The following RBFOX3 variants were observed in gnomAD, a reference collection of about 807,000 sequenced individuals.
The protein encoded by RBFOX3 is RNA binding protein fox-1 homolog 3.
RBFOX3 carries 17 observed loss-of-function variants against 48.7 expected under a neutral mutation model. That is an observed-to-expected ratio of 0.35 (90% CI 0.24 to 0.52). The LOEUF (loss-of-function observed/expected upper bound fraction) is 0.52, where lower values mean the gene tolerates loss of function less well. Ranked by LOEUF, RBFOX3 falls within the 20% of genes least tolerant of loss-of-function variation. The probability of loss-of-function intolerance (pLI) is 0.94; values close to 1 mark genes in which losing one functional copy is unlikely to be tolerated. For synonymous variants in RBFOX3, 212 were observed against 209.5 expected, an observed-to-expected ratio of 1.01 and a Z score of -0.10; for missense variants, 382 against 497.5, an observed-to-expected ratio of 0.77 and a Z score of 2.21.
intron 4 of RBFOX3, among the ~76,000 whole-genome samples, chr17:79,138,729 G>GCACATGTTCATGCCCCCCTCACCCACA (rs2041043467): frequency 2.9e-5 from 1 of 34,436 alleles, no homozygotes; most frequent in Admixed American, 4.6e-4. Context: ...ACCCACACAC[G>GCACATGTTCATGCCCCCCTCACCCACA]CATGCACACA....
chr17:79,219,746 C>T (rs191581391), intron 4 of RBFOX3, among the ~76,000 whole-genome samples: 10 of 152,202 alleles, frequency 6.6e-5, no homozygotes, highest in Admixed American at 6.5e-4. Flanking sequence ...TTCACCACTC[C>T]TTCCCAGGGT....
intron 4 of RBFOX3, among the ~76,000 whole-genome samples, chr17:79,161,875 G>C (rs2047055288): frequency 6.6e-6 from 1 of 152,208 alleles, no homozygotes; most frequent in Non-Finnish European, 1.5e-5. Flanking sequence ...TTACAGGTAT[G>C]AGCCACCGTG....
chr17:79,146,199 T>C (rs916712207), intron 4 of RBFOX3, among the ~76,000 whole-genome samples: 1 of 152,108 alleles, frequency 6.6e-6, no homozygotes, highest in South Asian at 2.1e-4. Flanking sequence ...CACCAAGCCA[T>C]GGAGGGGTTG....
intron 2 of RBFOX3, among the ~76,000 whole-genome samples, chr17:79,446,769 G>A (rs542285685): frequency 8.8e-6 from 1 of 113,312 alleles, no homozygotes; most frequent in East Asian, 2.7e-4. Context: ...GGGCAGCCCT[G>A]CTCTGCAGGG....
rs1215966229 is a variant in RBFOX3 at position 79,363,902 on chromosome 17, T to G, written c.-174-56078A>C. Among the ~76,000 whole-genome samples the G allele has an allele frequency of 6.6e-6, 1 of 151,858 alleles. No homozygotes were observed. On this transcript the variant is annotated intron_variant, in intron 2 of 14. Transcript: ENST00000693108. The surrounding 1 kb of genome is among the most constrained non-coding windows in gnomAD (Gnocchi z 4.7). Reference sequence around the variant, plus strand: ...GCAGCCCCTAACTCTCCCCACCTCGTCCCCCTCACCCACTCCACTCCAGCC... The same window carrying G: ...GCAGCCCCTAACTCTCCCCACCTCGGCCCCCTCACCCACTCCACTCCAGCC...
chr17:79,452,991 T>C (rs1270499519), intron 2 of RBFOX3, among the ~76,000 whole-genome samples: 1 of 152,166 alleles, frequency 6.6e-6, no homozygotes, highest in Non-Finnish European at 1.5e-5. Flanking sequence ...TTGGAGCACA[T>C]GGCTTCATCT....
intron 2 of RBFOX3, among the ~76,000 whole-genome samples, chr17:79,394,447 T>G (rs1001779531): frequency 3.3e-5 from 5 of 152,150 alleles, no homozygotes; most frequent in Non-Finnish European, 4.4e-5. Flanking sequence ...GAAAACAGTC[T>G]GGCTTCTATG....
At chr17:79,345,175 T>C (rs2082697726) in intron 2 of RBFOX3, among the ~76,000 whole-genome samples, 2 of 152,242 alleles carry the variant, frequency 1.3e-5, no homozygotes, top group South Asian at 4.1e-4. Context: ...TGAGAGCTTC[T>C]CTTCTCCACC....
chr17:79,387,777 C>A (rs1469807791), intron 2 of RBFOX3, among the ~76,000 whole-genome samples: 1 of 152,232 alleles, frequency 6.6e-6, no homozygotes, highest in Non-Finnish European at 1.5e-5. Flanking sequence ...GGGGCCTGGG[C>A]ACTTGGAGTT....
chr17:79,377,449 G>A (rs553055664), intron 2 of RBFOX3, among the ~76,000 whole-genome samples: 20 of 152,212 alleles, frequency 1.3e-4, no homozygotes, highest in African/African-American at 2.9e-4. Flanking sequence ...ACACATGCAC[G>A]TGGGCATGCG....
intron 2 of RBFOX3, among the ~76,000 whole-genome samples, chr17:79,456,290 C>T (rs7217700): frequency 0.33 from 49,823 of 152,024 alleles, 9,220 homozygotes; most frequent in Non-Finnish European, 0.42. Flanking sequence ...TTTGTTCCGC[C>T]TCCCACTCTG....
At chr17:79,422,874 G>A (rs529287560) in intron 2 of RBFOX3, among the ~76,000 whole-genome samples, 1 of 152,168 alleles carries the variant, frequency 6.6e-6, no homozygotes, top group Non-Finnish European at 1.5e-5. Context: ...CTTACAGGAA[G>A]AGACAGCAGG....
At chr17:79,658,510 A>T in the RBFOX3 span, among the ~76,000 whole-genome samples, 1 of 148,444 alleles carries the variant, frequency 6.7e-6, no homozygotes, top group African/African-American at 2.5e-5. Flanking sequence ...ACTCCATCAC[A>T]CCTGCACCCA....
At chr17:79,307,878 C>T (rs1411678698) in intron 2 of RBFOX3, 54 bp from the exon 3 acceptor site, 5 of 153,766 alleles carry the variant, frequency 3.3e-5, no homozygotes, top group African/African-American at 1.2e-4. Flanking sequence ...CTCTGAATAT[C>T]TAGAGTGCAT....
At chr17:79,092,500 G>T (rs1413338854) in intron 14 of RBFOX3, 2 of 986,138 alleles carry the variant, frequency 2.0e-6, no homozygotes, top group Non-Finnish European at 2.4e-6. Context: ...ACCGGGAGGG[G>T]TGCACTGTCT....
rs2057168060 is a variant in RBFOX3, at chr17:79,204,067, A to G, written c.-34+31699T>C. Among the ~76,000 whole-genome samples the G allele has an allele frequency of 2.6e-5, 4 of 152,308 alleles. 1 individual carries two copies. In the South Asian group the frequency reaches 8.3e-4, roughly 32 times the overall value. On this transcript the variant is annotated intron_variant, in intron 4 of 14. Transcript: ENST00000693108. The surrounding 1 kb of genome is among the most constrained non-coding windows in gnomAD (Gnocchi z 4.5). ...GAGAAAGCAGACTTTTCTCACCTGGAGAACCAGCAAAGACCTCAACTGAGA... is the reference window on the plus strand; with the variant it reads ...GAGAAAGCAGACTTTTCTCACCTGGGGAACCAGCAAAGACCTCAACTGAGA...
rs567541385 is a variant in RBFOX3, at chr17:79,351,560, G to A, written c.-174-43736C>T. ...TGTGCCAGGTGGAGTCTTGTTGAGG[G>A]TCTGATTTGCATTTCCTTGGTGACG... On this transcript the variant is annotated intron_variant, in intron 2 of 14. Transcript: ENST00000693108. 2.2e-4 allele frequency among the ~76,000 whole-genome samples: 34 copies of A among 152,246 alleles called. No homozygotes were observed. The East Asian group carries it at 4.1e-3, about 18-fold the overall frequency.
rs77438697 is a variant in RBFOX3 at position 79,317,878 on chromosome 17, A to G, written c.-174-10054T>C. ...ATCTGGCTGGCAAATCTTGTTCTTT[A>G]TGTGAGCAGGACAATTCTCAAGTAA... is the stretch of plus-strand genomic sequence containing the variant. On this transcript the variant is annotated intron_variant, in intron 2 of 14. Transcript: ENST00000693108. Among the ~76,000 whole-genome samples, 748 of 152,302 alleles carry G rather than the reference A, an allele frequency of 4.9e-3. 5 individuals carry two copies. The highest frequency in any genetic ancestry group is 0.016 in the African/African-American group (676 of 41,574).
intron 2 of RBFOX3, among the ~76,000 whole-genome samples, chr17:79,432,842 T>C (rs1317804368): frequency 6.6e-6 from 1 of 152,222 alleles, no homozygotes; most frequent in Admixed American, 6.5e-5. Context: ...AGTGGGTCTG[T>C]AGGACAAGTG....
Sources: allele counts gnomAD v4.1 joint callset (sites outside exome capture counted in the v4.1 genomes callset), GRCh38; gene constraint gnomAD v4.1.1; non-coding constraint Gnocchi (gnomAD v3.1); transcripts MANE v1.5; gene names NCBI Gene and HGNC (gene_info 2026-07-23, HGNC 2026-07-21).